The following CASS4 variants were observed in gnomAD, a reference collection of about 807,000 sequenced individuals.
CASS4 encodes cas scaffolding protein family member 4.
In CASS4, 22 loss-of-function variants were observed where a neutral mutation model predicts 54.2. That is an observed-to-expected ratio of 0.41 (90% CI 0.29 to 0.58). The LOEUF (loss-of-function observed/expected upper bound fraction) is 0.58. Among genes scored for constraint, CASS4 ranks in the 20% least tolerant of loss-of-function variants. The pLI, the probability that CASS4 is intolerant of heterozygous loss-of-function variation, is 0.36. For missense variants in CASS4, 854 were observed against 986.7 expected, an observed-to-expected ratio of 0.87 and a Z score of 1.80; for synonymous variants, 409 against 391.5, an observed-to-expected ratio of 1.04 and a Z score of -0.53.
Position 56,412,552 on chromosome 20 carries a change from A to G in CASS4, c.36+58A>G, listed in dbSNP as rs1002017792. ...GGCGGGGAGCAAGCTGTGATGATTA[A>G]GGGTGTTGACCAGCTTTAGTTGTGA... On this transcript the variant is annotated intron_variant, in intron 1 of 5. Transcript: ENST00000679887. The surrounding 1 kb of genome is among the most constrained non-coding windows in gnomAD (Gnocchi z 4.2). 6.4e-7 allele frequency: 1 copy of G among 1,567,298 alleles called. No individual in the cohort carries two copies. The highest frequency in any genetic ancestry group is 8.7e-7 in the Non-Finnish European group (1 of 1,147,044).
At chr20:56,457,826 C>T (rs576631931) in intron 5 of CASS4, among the ~76,000 whole-genome samples, 3 of 151,992 alleles carry the variant, frequency 2.0e-5, no homozygotes, top group South Asian at 2.1e-4. Flanking sequence ...ACCAATCTGG[C>T]CAACATGGTG....
intron 1 of CASS4, among the ~76,000 whole-genome samples, chr20:56,428,465 T>C (rs907388658): frequency 2.0e-5 from 3 of 152,186 alleles, no homozygotes; most frequent in African/African-American, 7.2e-5. Flanking sequence ...GAAATCTGGA[T>C]GGGGTCTCTA....
In CASS4 at chr20:56,412,594, G is replaced by T; in HGVS notation, c.36+100G>T. 1.6e-6 allele frequency: 2 copies of T among 1,213,642 alleles called. No homozygotes were observed. Among genetic ancestry groups the T allele is most frequent in the South Asian group, 2.7e-5 (2 of 75,202 alleles). The allele number at this position is 1,213,642 out of a possible 1,614,324, so 75.2% of individuals were successfully genotyped here. A position where few individuals can be genotyped will look rare whatever the true frequency, so the allele number is the denominator to read the frequency against. ...TAGTTGTGACTTTCTAATAAAGGTT[G>T]AATACCAGTGACGTGTGAGTTGGAG... On this transcript the variant is annotated intron_variant, in intron 1 of 5. Transcript: ENST00000679887. This position sits in a 1 kb window ranked among gnomAD's most constrained non-coding sequence, Gnocchi z 4.2.
At chr20:56,418,583 T>C (rs957211353) in intron 1 of CASS4, among the ~76,000 whole-genome samples, 1 of 152,206 alleles carries the variant, frequency 6.6e-6, no homozygotes, top group Non-Finnish European at 1.5e-5. Flanking sequence ...TCAGTGTAGG[T>C]GGCTTCATTT....
chr20:56,457,421 T>C lies in CASS4; in HGVS notation c.1954-919T>C, dbSNP rs147051631. 4.6e-5 allele frequency among the ~76,000 whole-genome samples: 7 copies of C among 152,300 alleles called. No homozygotes were observed. In the East Asian group the frequency reaches 1.4e-3, roughly 29 times the overall value. ...GCCACTAAGTTAGGTACTGAAAATC[T>C]TTGAGAGTATGTAGGATTTGGGAGA... is the stretch of plus-strand genomic sequence containing the variant. On this transcript the variant is annotated intron_variant, in intron 5 of 5. Transcript: ENST00000679887.
Position 56,412,865 on chromosome 20 carries a change from G to C in CASS4, c.36+371G>C, listed in dbSNP as rs1282086893. Among the ~76,000 whole-genome samples the C allele has an allele frequency of 2.6e-5, 4 of 152,134 alleles. No homozygotes were observed. The highest frequency in any genetic ancestry group is 9.7e-5 in the African/African-American group (4 of 41,420). On this transcript the variant is annotated intron_variant, in intron 1 of 5. Transcript: ENST00000679887. The surrounding 1 kb of genome is among the most constrained non-coding windows in gnomAD (Gnocchi z 4.2). ...CAGTGCCACTCTAACTGTCCTATTT[G>C]GTTTCTGTGCTCACCTCCCAACAGC...
Position 56,452,369 on chromosome 20 carries a change from T to A in CASS4, c.1193T>A (p.Leu398Ter). 1 of 1,613,984 alleles carries A rather than the reference T, an allele frequency of 6.2e-7. No homozygotes were observed. The highest frequency in any genetic ancestry group is 8.5e-7 in the Non-Finnish European group (1 of 1,180,028). ...TCCCCATCTCCTGAACCGGACAGAT[T>A]ATCAGGTTCCAGTTCTGACAGCAGA... ...TTSPSPEPDR[L>*]SGSSSDSRAS... Residue 398 changes from leucine to a stop codon, truncating the protein, a stop_gained, in exon 5 of 6, where the codon TTA becomes TAA. Transcript: ENST00000679887. LOFTEE classifies it high-confidence loss of function.
chr20:56,412,519 T>C lies in CASS4; in HGVS notation c.36+25T>C. 1 of 1,609,516 alleles carries C rather than the reference T, an allele frequency of 6.2e-7. No individual in the cohort carries two copies. The highest frequency in any genetic ancestry group is 1.1e-5 in the South Asian group (1 of 90,068). ...GGTGAGTGATGTGGGGCTGTTTGAA[T>C]GGGCTCTGGCGGGGAGCAAGCTGTG... On this transcript the variant is annotated intron_variant, in intron 1 of 5. Coordinates refer to ENST00000679887, the MANE Select transcript of CASS4 (RefSeq NM_020356.4). This position sits in a 1 kb window ranked among gnomAD's most constrained non-coding sequence, Gnocchi z 4.2.
chr20:56,419,832 C>T (rs941622517), intron 1 of CASS4, among the ~76,000 whole-genome samples: 1 of 152,064 alleles, frequency 6.6e-6, no homozygotes. Context: ...CATCTGAGGT[C>T]GGGAGTTCAA....
chr20:56,452,920 G>A lies in CASS4; in HGVS notation c.1744G>A (p.Ala582Thr). ...DIKRFASIVI[A>T]NGRLLFKRNC... ...CAAGAGGTTTGCCTCCATTGTCATT[G>A]CCAATGGAAGGCTCCTTTTTAAGCG... Residue 582 changes from alanine (A) to threonine (T), a missense_variant, in exon 5 of 6, where the codon GCC becomes ACC. By Grantham distance (58) the Ala-to-Thr change is moderately conservative. Coordinates refer to ENST00000679887, the MANE Select transcript of CASS4 (RefSeq NM_020356.4). 1.2e-6 allele frequency: 2 copies of A among 1,614,086 alleles called. No homozygotes were observed. Among genetic ancestry groups the A allele is most frequent in the Non-Finnish European group, 1.7e-6 (2 of 1,180,028 alleles).
chr20:56,448,165 T>C (rs1980820240), intron 3 of CASS4, among the ~76,000 whole-genome samples: 1 of 151,258 alleles, frequency 6.6e-6, no homozygotes, highest in African/African-American at 2.4e-5. Context: ...AAAATAGTTA[T>C]CAATGAAGAC....
At chr20:56,413,731 A>G (rs1000557539) in intron 1 of CASS4, among the ~76,000 whole-genome samples, 3 of 149,934 alleles carry the variant, frequency 2.0e-5, no homozygotes, top group African/African-American at 4.9e-5. Flanking sequence ...TGAGTAACCC[A>G]TGACAGTCTC....
At position 56,450,675 on chromosome 20, in the gene CASS4, C is replaced by T; in HGVS notation, c.638C>T (p.Ala213Val). ...KAGLHPPDSQ[A>V]SGQGVPLISV... The stretch of plus-strand genomic sequence containing the variant: ...GGACTCCATCCCCCAGACAGCCAAG[C>T]AAGTGTAAGTATGAAGAGGTGCTAA... Residue 213 changes from alanine (A) to valine (V), a missense_variant, in exon 4 of 6, where the codon GCA (alanine) becomes GTA (valine). By Grantham distance (64) the Ala-to-Val change is moderately conservative (BLOSUM62 0). Coordinates refer to ENST00000679887, the MANE Select transcript of CASS4 (RefSeq NM_020356.4). 1.9e-6 allele frequency: 3 copies of T among 1,613,920 alleles called. No homozygotes were observed. Among genetic ancestry groups the T allele is most frequent in the Non-Finnish European group, 2.5e-6 (3 of 1,179,868 alleles).
intron 5 of CASS4, among the ~76,000 whole-genome samples, chr20:56,456,136 C>T (rs536466343): frequency 2.3e-3 from 351 of 152,022 alleles, no homozygotes; most frequent in Middle Eastern, 6.8e-3. Flanking sequence ...CCCGGGGCAC[C>T]GTTGGCCACC....
At chr20:56,424,740 C>CAAAAAAAAA (rs759106984) in intron 1 of CASS4, among the ~76,000 whole-genome samples, 1 of 72,078 alleles carries the variant, frequency 1.4e-5, no homozygotes, top group Non-Finnish European at 2.8e-5. Context: ...GACTCTGTCT[C>CAAAAAAAAA]AAAAAAAAAA....
At chr20:56,444,615 G>T (rs1206790390) in intron 2 of CASS4, among the ~76,000 whole-genome samples, 1 of 152,172 alleles carries the variant, frequency 6.6e-6, no homozygotes. Context: ...TTATTTTAAA[G>T]TTCCCCAGGG....
At chr20:56,422,817 A>C (rs1012784776) in intron 1 of CASS4, among the ~76,000 whole-genome samples, 67 of 152,244 alleles carry the variant, frequency 4.4e-4, no homozygotes, top group Non-Finnish European at 8.8e-5. Context: ...TAGAGGTCTT[A>C]AGAAAATAAG....
At chr20:56,412,144 T>G, upstream of CASS4, 1 of 380,928 alleles carries the variant, frequency 2.6e-6, no homozygotes, top group Non-Finnish European at 4.9e-6. This position sits in a 1 kb window ranked among gnomAD's most constrained non-coding sequence, Gnocchi z 4.2. Context: ...TTCTTCTTCT[T>G]TTGTGGTTTC....
In CASS4 at chr20:56,451,818, G is replaced by T; in HGVS notation, c.643-1G>T. On this transcript the variant is annotated splice_acceptor_variant, in intron 4 of 5. Transcript: ENST00000679887. LOFTEE classifies it high-confidence loss of function. The stretch of plus-strand genomic sequence containing the variant: ...GGCAACTATGTGTGGTTCTCCCACA[G>T]GGGCAGGGTGTTCCCCTGATATCAG... The T allele has an allele frequency of 6.2e-7, 1 of 1,605,024 alleles. No homozygotes were observed. Among genetic ancestry groups the T allele is most frequent in the South Asian group, 1.1e-5 (1 of 90,572 alleles).
Sources: allele counts gnomAD v4.1 joint callset (sites outside exome capture counted in the v4.1 genomes callset), GRCh38; gene constraint gnomAD v4.1.1; non-coding constraint Gnocchi (gnomAD v3.1); transcripts MANE v1.5; gene names NCBI Gene and HGNC (gene_info 2026-07-23, HGNC 2026-07-21).